RNF220: variants seen among roughly 807,000 people sequenced by gnomAD.
RNF220 encodes the protein E3 ubiquitin-protein ligase RNF220.
Under a neutral mutation model 67.1 loss-of-function variants are expected in RNF220, and 7 were observed. That is an observed-to-expected ratio of 0.10 (90% CI 0.06 to 0.20). The LOEUF (loss-of-function observed/expected upper bound fraction) is 0.20, where lower values mean the gene tolerates loss of function less well. Ranked by LOEUF, RNF220 falls within the 10% of genes least tolerant of loss-of-function variation. The pLI is 1.00. For synonymous variants in RNF220, 270 were observed against 283.2 expected (o/e 0.95, Z 0.47); for missense variants, 565 against 740.3 (o/e 0.76, Z 2.75).
rs961238822 is a variant in RNF220 at position 44,417,473 on chromosome 1, C to G, written c.625+4751C>G. 2.0e-5 allele frequency among the ~76,000 whole-genome samples: 3 copies of G among 152,210 alleles called. No homozygotes were observed. Among genetic ancestry groups the G allele is most frequent in the Admixed American group, 6.6e-5 (1 of 15,260 alleles). On this transcript the variant is annotated intron_variant, in intron 2 of 14. Transcript: ENST00000361799. This position sits in a 1 kb window ranked among gnomAD's most constrained non-coding sequence, Gnocchi z 4.0. ...CCTGGCTTGGCTTGGCTCGGCGCGC[C>G]GCTCGCCTGGCGGCTGGGCTCGCTG...
At chr1:44,590,246 A>C (rs1666020803) in intron 2 of RNF220, among the ~76,000 whole-genome samples, 1 of 152,234 alleles carries the variant, frequency 6.6e-6, no homozygotes, top group Non-Finnish European at 1.5e-5. Flanking sequence ...GCAATCACTC[A>C]TATGAGGCCC....
At chr1:44,407,686 G>C (rs1043760029) in intron 1 of RNF220, among the ~76,000 whole-genome samples, 1 of 152,068 alleles carries the variant, frequency 6.6e-6, no homozygotes, top group Non-Finnish European at 1.5e-5. Context: ...CGCGGTGCGG[G>C]CCGCAGAACC....
intron 8 of RNF220, among the ~76,000 whole-genome samples, chr1:44,639,783 T>TTTTA (rs1360605868): frequency 3.3e-5 from 5 of 152,196 alleles, no homozygotes; most frequent in African/African-American, 1.2e-4. Flanking sequence ...TTCTTTTCCT[T>TTTTA]TTTATTTATT....
chr1:44,527,587 G>A (rs951374768), intron 2 of RNF220, among the ~76,000 whole-genome samples: 1 of 151,928 alleles, frequency 6.6e-6, no homozygotes. Context: ...ACGAGACCCT[G>A]TCTTATTTTT....
At chr1:44,414,672 T>A (rs1648341280) in intron 2 of RNF220, among the ~76,000 whole-genome samples, 1 of 152,058 alleles carries the variant, frequency 6.6e-6, no homozygotes, top group Non-Finnish European at 1.5e-5. Context: ...ATTAAATGAG[T>A]CTGTCTCCCA....
chr1:44,442,286 G>A (rs1237625776), intron 2 of RNF220, among the ~76,000 whole-genome samples: 2 of 151,952 alleles, frequency 1.3e-5, no homozygotes, highest in Non-Finnish European at 2.9e-5. Context: ...GGGACTTCAG[G>A]TGTGCGCCAC....
At chr1:44,511,916 C>CGCGTGTGTGT (rs1491499715) in intron 2 of RNF220, among the ~76,000 whole-genome samples, 3 of 147,706 alleles carry the variant, frequency 2.0e-5, no homozygotes, top group Non-Finnish European at 3.0e-5. Flanking sequence ...CGTGTGTGTG[C>CGCGTGTGTGT]GTGTGTGTGT....
intron 2 of RNF220, among the ~76,000 whole-genome samples, chr1:44,481,078 G>A (rs888674066): frequency 2.0e-5 from 3 of 152,096 alleles, no homozygotes; most frequent in Admixed American, 1.3e-4. Context: ...TAGGGGGTGA[G>A]AAAATGTATG....
intron 2 of RNF220, among the ~76,000 whole-genome samples, chr1:44,510,370 G>C (rs1230138919): frequency 6.6e-6 from 1 of 152,110 alleles, no homozygotes; most frequent in Non-Finnish European, 1.5e-5. Context: ...AGGGCACAGT[G>C]GAGCAGCACC....
chr1:44,540,019 T>G (rs1661552006), intron 2 of RNF220, among the ~76,000 whole-genome samples: 2 of 152,250 alleles, frequency 1.3e-5, no homozygotes, highest in African/African-American at 4.8e-5. Flanking sequence ...TTGGCAGGTG[T>G]TCTTGCCCAC....
chr1:44,519,376 C>T (rs529158052), intron 2 of RNF220, among the ~76,000 whole-genome samples: 1 of 152,264 alleles, frequency 6.6e-6, no homozygotes, highest in African/African-American at 2.4e-5. Context: ...TATTAAAATG[C>T]AGAGTGGCTC....
intron 2 of RNF220, among the ~76,000 whole-genome samples, chr1:44,551,119 CTTTTTT>C (rs386366846): frequency 1.0e-5 from 1 of 97,498 alleles, no homozygotes. Context: ...CACTTCTTGC[CTTTTTT>C]TTTTTTTTTT....
At chr1:44,630,729 G>A (rs1390081604) in intron 5 of RNF220, among the ~76,000 whole-genome samples, 1 of 152,256 alleles carries the variant, frequency 6.6e-6, no homozygotes, top group Non-Finnish European at 1.5e-5. Flanking sequence ...GGATACTGGA[G>A]GGCATGGAGG....
At chr1:44,419,965 C>T (rs550670435) in intron 2 of RNF220, 1 of 152,172 alleles carries the variant, frequency 6.6e-6, no homozygotes, top group African/African-American at 2.4e-5. Flanking sequence ...CATCCCCTAT[C>T]GTGGAGTCCA....
chr1:44,407,185 G>A (rs936021110), intron 1 of RNF220, among the ~76,000 whole-genome samples: 1 of 152,158 alleles, frequency 6.6e-6, no homozygotes, highest in African/African-American at 2.4e-5. Flanking sequence ...GAGCCGCCGA[G>A]GGGGAGAGCA....
intron 2 of RNF220, among the ~76,000 whole-genome samples, chr1:44,484,583 C>T (rs1656115172): frequency 6.6e-6 from 1 of 152,048 alleles, no homozygotes; most frequent in South Asian, 2.1e-4. Flanking sequence ...ACTCCATGAA[C>T]GAAAGGAGGC....
chr1:44,506,329 G>A lies in RNF220; in HGVS notation c.625+93607G>A, dbSNP rs74457430. ...CTCCTTCCTGATAGTGGGAGAGAGC[G>A]ATGGTCTTCAGTGGCCAGTGGGACT... On this transcript the variant is annotated intron_variant, in intron 2 of 14. Coordinates refer to ENST00000361799, the MANE Select transcript of RNF220 (RefSeq NM_018150.4). Among the ~76,000 whole-genome samples, 948 of 152,346 alleles carry A rather than the reference G, an allele frequency of 6.2e-3. 26 individuals carry two copies. In the East Asian group the frequency reaches 0.079, roughly 13 times the overall value.
chr1:44,457,010 C>T lies in RNF220; in HGVS notation c.625+44288C>T, dbSNP rs183009845. Among the ~76,000 whole-genome samples, 597 of 152,218 alleles carry T rather than the reference C, an allele frequency of 3.9e-3. 4 individuals carry two copies. Among genetic ancestry groups the T allele is most frequent in the African/African-American group, 0.014 (571 of 41,536 alleles). On this transcript the variant is annotated intron_variant, in intron 2 of 14. Transcript: ENST00000361799. ...CCTGCTCCTACCTATCCCCAACTGC[C>T]GCCAGTCTTGCCCAGTTACACCCAC...
Position 44,627,602 on chromosome 1 carries a change from G to A in RNF220, c.906+1204G>A, listed in dbSNP as rs552179223. On this transcript the variant is annotated intron_variant, in intron 5 of 14. Coordinates refer to ENST00000361799, the MANE Select transcript of RNF220 (RefSeq NM_018150.4). ...TTCCCCCAAAACTTTTGTCTAAGGAGAGGCAGAGCCCTGTCTTTAAGAACC... is the reference window on the plus strand; with the variant it reads ...TTCCCCCAAAACTTTTGTCTAAGGAAAGGCAGAGCCCTGTCTTTAAGAACC... 3.9e-5 allele frequency among the ~76,000 whole-genome samples: 6 copies of A among 152,258 alleles called. No individual in the cohort carries two copies. In the East Asian group the frequency reaches 1.2e-3, roughly 29 times the overall value.
Sources: gnomAD v4.1 joint callset for allele counts (sites outside exome capture counted in the v4.1 genomes callset) on GRCh38, gnomAD v4.1.1 for gene constraint, Gnocchi (gnomAD v3.1) non-coding constraint, MANE v1.5 for transcripts, NCBI Gene and HGNC (gene_info 2026-07-23, HGNC 2026-07-21) for gene names.